Variants in ZNF366 observed in about 807,000 individuals in gnomAD.
ZNF366 encodes zinc finger protein 366, also known as dendritic cell-specific transcript protein.
A neutral mutation model predicts 47.2 loss-of-function variants in ZNF366; 20 were observed. The observed-to-expected ratio is 0.42, with a 90% confidence interval of 0.30 to 0.62. The LOEUF is 0.62. ZNF366 is among the 20% of genes least tolerant of loss of function. ZNF366 has a pLI of 0.16. For synonymous variants in ZNF366, 421 were observed against 395.1 expected (o/e 1.07, Z -0.78); for missense variants, 987 against 976.3 (o/e 1.01, Z -0.15).
intron 1 of ZNF366, among the ~76,000 whole-genome samples, chr5:72,485,267 G>C (rs1281878725): frequency 6.6e-6 from 1 of 152,150 alleles, no homozygotes; most frequent in Non-Finnish European, 1.5e-5. Flanking sequence ...CATACTGTTT[G>C]CTCCATGAGG....
chr5:72,467,214 C>T (rs1424772398), intron 1 of ZNF366, among the ~76,000 whole-genome samples: 5 of 152,134 alleles, frequency 3.3e-5, no homozygotes, highest in Non-Finnish European at 7.4e-5. Context: ...TCACCCAAAC[C>T]CAATAGGCTA....
intron 3 of ZNF366, among the ~76,000 whole-genome samples, chr5:72,451,146 A>G (rs1330751718): frequency 1.3e-5 from 2 of 152,212 alleles, no homozygotes; most frequent in Non-Finnish European, 2.9e-5. Flanking sequence ...TGAAAATAGG[A>G]GTGGATGTTG....
chr5:72,502,171 T>C (rs1240076902), intron 1 of ZNF366, among the ~76,000 whole-genome samples: 1 of 152,244 alleles, frequency 6.6e-6, no homozygotes, highest in Non-Finnish European at 1.5e-5. Flanking sequence ...CTCTGTGCTA[T>C]TGTAGGCCCT....
intron 1 of ZNF366, among the ~76,000 whole-genome samples, chr5:72,480,579 T>C (rs1202645965): frequency 2.0e-5 from 3 of 152,200 alleles, no homozygotes; most frequent in African/African-American, 7.2e-5. Context: ...TAACAATTAA[T>C]GGGCATTTGG....
intron 1 of ZNF366, among the ~76,000 whole-genome samples, chr5:72,465,974 A>T (rs1743421505): frequency 1.3e-5 from 2 of 152,228 alleles, no homozygotes; most frequent in Admixed American, 1.3e-4. Flanking sequence ...TATGTTAAAC[A>T]CTAGACAGTA....
At chr5:72,455,650 G>A (rs1306320254) in intron 3 of ZNF366, among the ~76,000 whole-genome samples, 10 of 152,268 alleles carry the variant, frequency 6.6e-5, no homozygotes, top group South Asian at 2.1e-4. Context: ...AGTAATGCCC[G>A]TCAGCGCCTT....
chr5:72,488,403 C>A (rs1743937651), intron 1 of ZNF366, among the ~76,000 whole-genome samples: 1 of 152,080 alleles, frequency 6.6e-6, no homozygotes, highest in Non-Finnish European at 1.5e-5. Flanking sequence ...TTGGGAACAT[C>A]CCTTTCCCTG....
chr5:72,451,268 TG>T (rs1743065073), intron 3 of ZNF366, among the ~76,000 whole-genome samples: 2 of 152,276 alleles, frequency 1.3e-5, no homozygotes, highest in Non-Finnish European at 2.9e-5. Flanking sequence ...ACCGTCAGTG[TG>T]TCTTGACATG....
At position 72,460,282 on chromosome 5, in the gene ZNF366, C is replaced by T. The variant is rs753375178; in HGVS notation, c.1215G>A (p.Pro405=). The part of the protein sequence containing the change: ...CSECDKTFQY[P]SQLQNHMMKH... ...TCATCATGTGGTTCTGCAGCTGGCTCGGGTACTGGAAGGTCTTGTCGCACT... is the reference window on the plus strand; with the variant it reads ...TCATCATGTGGTTCTGCAGCTGGCTTGGGTACTGGAAGGTCTTGTCGCACT... The change falls in exon 2 of 5, where the codon CCG becomes CCA. Residue 405 remains proline (P), a synonymous_variant. Transcript: ENST00000318442. The T allele has an allele frequency of 1.2e-6, 2 of 1,614,066 alleles. No individual in the cohort carries two copies. Among genetic ancestry groups the T allele is most frequent in the Admixed American group, 1.7e-5 (1 of 60,008 alleles).
intron 1 of ZNF366, among the ~76,000 whole-genome samples, chr5:72,503,559 A>G (rs1182632228): frequency 6.6e-6 from 1 of 150,946 alleles, no homozygotes; most frequent in African/African-American, 2.5e-5. Context: ...ACACACACGC[A>G]CACCTCGAAA....
At chr5:72,497,642 A>T (rs1201815963) in intron 1 of ZNF366, among the ~76,000 whole-genome samples, 1 of 152,182 alleles carries the variant, frequency 6.6e-6, no homozygotes, top group Non-Finnish European at 1.5e-5. Context: ...TTATTTATAT[A>T]GGATAAATTC....
At chr5:72,457,437 T>C (rs1276698501) in intron 2 of ZNF366, among the ~76,000 whole-genome samples, 4 of 152,216 alleles carry the variant, frequency 2.6e-5, no homozygotes, top group Non-Finnish European at 4.4e-5. Flanking sequence ...AAGAAAAATT[T>C]AGAGAACCAG....
At chr5:72,496,173 G>A (rs764119504) in intron 1 of ZNF366, among the ~76,000 whole-genome samples, 1 of 151,786 alleles carries the variant, frequency 6.6e-6, no homozygotes, top group Non-Finnish European at 1.5e-5. Context: ...TATGCAGTGC[G>A]ATGTGTTTTA....
In ZNF366 at chr5:72,497,769, T is replaced by C. The variant is rs375948983; in HGVS notation, c.-15+9482A>G. 8.5e-5 allele frequency among the ~76,000 whole-genome samples: 13 copies of C among 152,302 alleles called. No homozygotes were observed. In the East Asian group the frequency reaches 2.3e-3, roughly 27 times the overall value. ...CTCTCTCCAGAACCCCAGAGATAAG[T>C]GTGTTAACAAATGTTTCATCTTTGC... is the stretch of plus-strand genomic sequence containing the variant. On this transcript the variant is annotated intron_variant, in intron 1 of 4. Transcript: ENST00000318442.
Position 72,492,848 on chromosome 5 carries a change from T to C in ZNF366, c.-15+14403A>G, listed in dbSNP as rs376924520. On this transcript the variant is annotated intron_variant, in intron 1 of 4. Coordinates refer to ENST00000318442, the MANE Select transcript of ZNF366 (RefSeq NM_152625.3). ...CTAATGGCCTTATTTCCTCTGATGG[T>C]TTTTAATGAGGAATAAAGCCTTTAC... is the stretch of plus-strand genomic sequence containing the variant. Among the ~76,000 whole-genome samples the C allele has an allele frequency of 3.9e-4, 59 of 152,288 alleles. No individual in the cohort carries two copies. In the South Asian group the frequency reaches 0.012, roughly 30 times the overall value.
At chr5:72,487,014 A>G (rs985080585) in intron 1 of ZNF366, among the ~76,000 whole-genome samples, 4 of 152,066 alleles carry the variant, frequency 2.6e-5, no homozygotes, top group African/African-American at 9.7e-5. Flanking sequence ...TGATCTTGTG[A>G]TCCACCCGCC....
intron 1 of ZNF366, among the ~76,000 whole-genome samples, chr5:72,500,073 G>A (rs1744185851): frequency 6.6e-6 from 1 of 152,196 alleles, no homozygotes; most frequent in Non-Finnish European, 1.5e-5. Flanking sequence ...CTGGGAAGAG[G>A]GAGGCGTGTG....
At chr5:72,498,980 C>T (rs1003093210) in intron 1 of ZNF366, among the ~76,000 whole-genome samples, 2 of 152,204 alleles carry the variant, frequency 1.3e-5, no homozygotes, top group African/African-American at 4.8e-5. Context: ...TCCTAGGAGA[C>T]TCAAGGGGGA....
chr5:72,441,341 A>G lies in ZNF366; in HGVS notation c.*2415T>C, dbSNP rs1208302685. The G allele has an allele frequency of 1.3e-5, 2 of 152,336 alleles. No homozygotes were observed. The highest frequency in any genetic ancestry group is 4.8e-5 in the African/African-American group (2 of 41,454). The allele number at this position is 152,336 out of a possible 1,614,324, so 9.4% of individuals were successfully genotyped here. On this transcript the variant is annotated 3_prime_UTR_variant, in exon 5 of 5. Transcript: ENST00000318442. ...CCGCAGTGTGAATAAATGTGTAACC[A>G]GACCCCAAGAGCTGGAAGCCTCCCA...
Sources: gnomAD v4.1 joint callset for allele counts (sites outside exome capture counted in the v4.1 genomes callset) on GRCh38, gnomAD v4.1.1 for gene constraint, MANE v1.5 for transcripts, NCBI Gene and HGNC (gene_info 2026-07-23, HGNC 2026-07-21) for gene names.